ZFYVE26: variants seen among roughly 807,000 people sequenced by gnomAD.
ZFYVE26 encodes the protein zinc finger FYVE-type containing 26, also known as zinc finger FYVE domain-containing protein 26.
Under a neutral mutation model 276.5 loss-of-function variants are expected in ZFYVE26, and 181 were observed. The ratio of observed to expected loss-of-function variants is 0.65; its 90% CI spans 0.58 to 0.74. The LOEUF is 0.74. Among genes scored for constraint, ZFYVE26 ranks in the 30% least tolerant of loss-of-function variants. The pLI is 0.00. For missense variants in ZFYVE26, 2,821 were observed against 3,097.9 expected, an observed-to-expected ratio of 0.91 and a Z score of 2.12; for synonymous variants, 1,129 against 1,203.1, an observed-to-expected ratio of 0.94 and a Z score of 1.27.
At chr14:67,794,370 G>T in intron 12 of ZFYVE26, 131 bp from the exon 13 acceptor site, 5 of 913,244 alleles carry the variant, frequency 5.5e-6, no homozygotes, top group Non-Finnish European at 9.0e-6. Context: ...GACACCTGCT[G>T]CTCCTTCTAC....
chr14:67,779,554 T>C (rs1323655642), intron 23 of ZFYVE26, among the ~76,000 whole-genome samples: 1 of 151,876 alleles, frequency 6.6e-6, no homozygotes, highest in Non-Finnish European at 1.5e-5. Context: ...ATAGCAAGAC[T>C]CCATCTCAAA....
At chr14:67,730,312 C>T (rs1006097611) in intron 13 of ZFYVE26, among the ~76,000 whole-genome samples, 2 of 152,210 alleles carry the variant, frequency 1.3e-5, no homozygotes, top group Non-Finnish European at 2.9e-5. Context: ...CCACTAGCCA[C>T]ATGTTGCTAT....
chr14:67,763,494 C>A lies in ZFYVE26; in HGVS notation c.6012-675G>T, dbSNP rs539742469. 1.8e-4 allele frequency among the ~76,000 whole-genome samples: 27 copies of A among 152,280 alleles called. No homozygotes were observed. The South Asian group carries it at 5.2e-3, about 29-fold the overall frequency. ...TAGATACACAAATACCATAGTGTTACAATTGCCTACAGTATTCAGTACAGT... is the reference window on the plus strand; with the variant it reads ...TAGATACACAAATACCATAGTGTTAAAATTGCCTACAGTATTCAGTACAGT... On this transcript the variant is annotated intron_variant, in intron 32 of 41. Coordinates refer to ENST00000347230, the MANE Select transcript of ZFYVE26 (RefSeq NM_015346.4).
At chr14:67,740,166 C>T (rs953254302) in intron 13 of ZFYVE26, among the ~76,000 whole-genome samples, 2 of 152,134 alleles carry the variant, frequency 1.3e-5, no homozygotes, top group African/African-American at 2.4e-5. Flanking sequence ...TAAAAGCCCA[C>T]AAAATTTTTT....
intron 5 of ZFYVE26, 51 bp downstream of exon 5, chr14:67,807,347 G>T: frequency 6.2e-7 from 1 of 1,609,786 alleles, no homozygotes; most frequent in Non-Finnish European, 8.5e-7. Flanking sequence ...CAGCAAGGCT[G>T]GGCATACTGG....
chr14:67,807,405 C>T lies in ZFYVE26; in HGVS notation c.879G>A (p.Ser293=), dbSNP rs199794711. The change falls in exon 5 of 42, where the codon TCG becomes TCA. Residue 293 remains serine, a synonymous_variant. Transcript: ENST00000347230. ...VTEKPPRATA[S]GKVSPDHLDP... is the part of the protein sequence containing the mutation. ...GCAGCAAAGGGAACACACCTTTTCCCGAGGCTGTAGCCCTCGGTGGCTTTT... is the reference window on the plus strand; with the variant it reads ...GCAGCAAAGGGAACACACCTTTTCCTGAGGCTGTAGCCCTCGGTGGCTTTT... The T allele has an allele frequency of 1.5e-4, 243 of 1,614,044 alleles. 1 individual carries two copies. The highest frequency in any genetic ancestry group is 8.3e-4 in the Middle Eastern group (5 of 6,052).
At chr14:67,772,427 C>T (rs1054620453) in intron 27 of ZFYVE26, among the ~76,000 whole-genome samples, 3 of 152,200 alleles carry the variant, frequency 2.0e-5, no homozygotes, top group Admixed American at 6.5e-5. Flanking sequence ...AGTATACTTA[C>T]TAAAAAATAT....
In ZFYVE26 at chr14:67,762,381, C is replaced by G. The variant is rs747918986; in HGVS notation, c.6191G>C (p.Gly2064Ala). 17 of 1,614,094 alleles carry G rather than the reference C, an allele frequency of 1.1e-5. No individual in the cohort carries two copies. Among genetic ancestry groups the G allele is most frequent in the Non-Finnish European group, 1.4e-5 (17 of 1,179,990 alleles). ...GGCCATGCCCCAAGCATGCCACGCC[C>G]CGGTGGTATCAAGCCCAGTCTTTGT... The part of the protein sequence containing the change: ...VSTKTGLDTT[G>A]AWHAWGMACL... Residue 2064 changes from glycine to alanine, a missense_variant, in exon 34 of 42, where the codon GGG becomes GCG. By Grantham distance (60) the Gly-to-Ala change is moderately conservative (BLOSUM62 0). Transcript: ENST00000347230.
chr14:67,801,071 G>C (rs1042520150), intron 10 of ZFYVE26, among the ~76,000 whole-genome samples: 1 of 152,036 alleles, frequency 6.6e-6, no homozygotes, highest in Non-Finnish European at 1.5e-5. Flanking sequence ...TGGCCAACTG[G>C]TGAAACACCA....
intron 16 of ZFYVE26, among the ~76,000 whole-genome samples, chr14:67,788,416 A>C (rs963531316): frequency 2.6e-5 from 4 of 152,108 alleles, no homozygotes; most frequent in Admixed American, 6.5e-5. Flanking sequence ...ACAAACAAAC[A>C]AACCTTGGGC....
intron 12 of ZFYVE26, 63 bp from the exon 13 acceptor site, chr14:67,794,302 A>G: frequency 6.5e-7 from 1 of 1,541,304 alleles, no homozygotes; most frequent in East Asian, 2.2e-5. Context: ...AGGAAGTGTG[A>G]AGTTGGCTTG....
chr14:67,751,098 T>C lies in ZFYVE26; in HGVS notation c.7372-2A>G. The C allele has an allele frequency of 6.2e-7, 1 of 1,614,214 alleles. No individual in the cohort carries two copies. Among genetic ancestry groups the C allele is most frequent in the East Asian group, 2.2e-5 (1 of 44,888 alleles). On this transcript the variant is annotated splice_acceptor_variant, in intron 40 of 41. Transcript: ENST00000347230. LOFTEE classifies it high-confidence loss of function. ...TGCCTGGATCAGGCCCTCCAGCTCC[T>C]GTGCAGAACAGAAACAGCACTGTGA... is the stretch of plus-strand genomic sequence containing the variant.
intron 11 of ZFYVE26, 89 bp from the exon 12 acceptor site, chr14:67,797,844 A>G (rs1307384672): frequency 1.3e-6 from 2 of 1,583,304 alleles, no homozygotes; most frequent in Non-Finnish European, 1.7e-6. Flanking sequence ...GAAGGTTTGC[A>G]CTGGGCTCTG....
chr14:67,785,519 A>G (rs1489850435), intron 18 of ZFYVE26, among the ~76,000 whole-genome samples: 2 of 152,114 alleles, frequency 1.3e-5, no homozygotes, highest in Admixed American at 6.5e-5. Flanking sequence ...GTATAGTTCT[A>G]TTTTTATCCT....
In ZFYVE26 at chr14:67,806,526, A is replaced by C; in HGVS notation, c.1017+19T>G. 1 of 1,614,040 alleles carries C rather than the reference A, an allele frequency of 6.2e-7. No individual in the cohort carries two copies. Among genetic ancestry groups the C allele is most frequent in the Non-Finnish European group, 8.5e-7 (1 of 1,179,910 alleles). On this transcript the variant is annotated intron_variant, in intron 6 of 41. Transcript: ENST00000347230. ...GAATCCCTGGGTACCTCTGTGATGA[A>C]CAATTAAGCTTGACTTACCAGAATC... is the stretch of plus-strand genomic sequence containing the variant.
rs1462159524 is a variant in ZFYVE26 at position 67,781,526 on chromosome 14, TTGTC to T, written c.4373-1_4375del. 1 of 1,614,046 alleles carries T rather than the reference TTGTC, an allele frequency of 6.2e-7. No homozygotes were observed. The highest frequency in any genetic ancestry group is 1.7e-5 in the Admixed American group (1 of 60,020). On this transcript the variant is annotated splice_acceptor_variant and coding_sequence_variant, in exon 22 of 42. Transcript: ENST00000347230. LOFTEE classifies it high-confidence loss of function. ...GGGAAACAGGTATTGCCAACCTTCT[TTGTC>T]TATAAGACAAAAAAGATGCTCAGAG...
intron 16 of ZFYVE26, 85 bp from the exon 17 acceptor site, chr14:67,786,318 G>T: frequency 6.7e-7 from 1 of 1,486,240 alleles, no homozygotes; most frequent in Non-Finnish European, 9.0e-7. Context: ...GTATTTACCT[G>T]TGAAATTTTA....
At chr14:67,750,696 T>G (rs2140178801) in intron 41 of ZFYVE26, 1 of 362,332 alleles carries the variant, frequency 2.8e-6, no homozygotes, top group South Asian at 2.6e-5. Flanking sequence ...ACCTGCTTAC[T>G]CTGGGAACCT....
At chr14:67,735,040 T>C (rs1163527584) in intron 13 of ZFYVE26, among the ~76,000 whole-genome samples, 2 of 152,236 alleles carry the variant, frequency 1.3e-5, no homozygotes, top group Non-Finnish European at 2.9e-5. Flanking sequence ...TATCCCAGAT[T>C]ATTAGATGCA....
Sources: gnomAD v4.1 joint callset for allele counts (sites outside exome capture counted in the v4.1 genomes callset) on GRCh38, gnomAD v4.1.1 for gene constraint, MANE v1.5 for transcripts, NCBI Gene and HGNC (gene_info 2026-07-23, HGNC 2026-07-21) for gene names.